The following BRCA1 variants were observed in gnomAD, a reference collection of about 807,000 sequenced individuals.
BRCA1 encodes BRCA1 DNA repair associated, also known as breast cancer type 1 susceptibility protein.
BRCA1 carries 140 observed loss-of-function variants against 173.7 expected under a neutral mutation model. The observed-to-expected ratio is 0.81, with a 90% CI of 0.70 to 0.93. The LOEUF is 0.93. BRCA1 is among the 40% of genes least tolerant of loss of function. The pLI is 0.00. For synonymous variants in BRCA1, 662 were observed against 756.0 expected, an observed-to-expected ratio of 0.88 and a Z score of 2.04; for missense variants, 1,983 against 2,172.5, an observed-to-expected ratio of 0.91 and a Z score of 1.73.
chr17:43,104,149 T>C lies in BRCA1; in HGVS notation c.414A>G (p.Leu138=), dbSNP rs1597896509. 6.2e-7 allele frequency: 1 copy of C among 1,614,024 alleles called. No homozygotes were observed. Among genetic ancestry groups the C allele is most frequent in the Non-Finnish European group, 8.5e-7 (1 of 1,179,948 alleles). Residue 138 remains leucine (L), a synonymous_variant, in exon 6 of 23, where the codon CTA becomes CTG. Transcript: ENST00000357654. The part of the protein sequence containing the change: ...MGYRNRAKRL[L]QSEPENPSLQ... ...AGGAAGGATTTTCGGGTTCACTCTG[T>C]AGAAGTCTTTTGGCACGGTTTCTGT...
At chr17:43,102,190 C>T (rs1461902210) in intron 6 of BRCA1, among the ~76,000 whole-genome samples, 1 of 151,776 alleles carries the variant, frequency 6.6e-6, no homozygotes, top group Non-Finnish European at 1.5e-5. Context: ...CCTGCCTCAG[C>T]CTCCCGAGTA....
rs1555580584 is a variant in BRCA1 at position 43,070,911 on chromosome 17, C to T, written c.4986+17G>A. On this transcript the variant is annotated intron_variant, in intron 15 of 22. Coordinates refer to ENST00000357654, the MANE Select transcript of BRCA1 (RefSeq NM_007294.4). The stretch of plus-strand genomic sequence containing the variant: ...TTAAGTCTTAGTCATTAGGGAGATA[C>T]ATATGGATACACTCACAAATTCTTC... 1.9e-6 allele frequency: 3 copies of T among 1,613,656 alleles called. No individual in the cohort carries two copies. Among genetic ancestry groups the T allele is most frequent in the Non-Finnish European group, 2.5e-6 (3 of 1,179,748 alleles).
Position 43,044,403 on chromosome 17 carries a change from G to T in BRCA1, c.*1275C>A. 1 of 507,044 alleles carries T rather than the reference G, an allele frequency of 2.0e-6. No homozygotes were observed. Among genetic ancestry groups the T allele is most frequent in the Non-Finnish European group, 3.9e-6 (1 of 258,752 alleles). The allele number at this position is 507,044 out of a possible 1,614,324, so 31.4% of individuals were successfully genotyped here. On this transcript the variant is annotated 3_prime_UTR_variant, in exon 23 of 23. Coordinates refer to ENST00000357654, the MANE Select transcript of BRCA1 (RefSeq NM_007294.4). Reference sequence around the variant, plus strand: ...GCCCTTGCACACTGGGGGGGCTAGGGAAGACCTAGTCCTTCCAACAGCTAT... The same window carrying T: ...GCCCTTGCACACTGGGGGGGCTAGGTAAGACCTAGTCCTTCCAACAGCTAT...
chr17:43,125,569 A>T, upstream of BRCA1: 1 of 310,230 alleles, frequency 3.2e-6, no homozygotes, highest in Non-Finnish European at 6.4e-6. Context: ...ATGACGTAAA[A>T]GGAAAGAGAC....
intron 14 of BRCA1, among the ~76,000 whole-genome samples, chr17:43,072,185 C>T (rs1376898901): frequency 2.0e-5 from 3 of 151,582 alleles, no homozygotes; most frequent in Non-Finnish European, 2.9e-5. Flanking sequence ...GTCAAGAGGT[C>T]GAGACCAGTC....
intron 6 of BRCA1, among the ~76,000 whole-genome samples, chr17:43,100,663 T>TG (rs2054399041): frequency 5.2e-5 from 1 of 19,110 alleles, no homozygotes; most frequent in Non-Finnish European, 7.5e-5. Context: ...ATAACATATA[T>TG]ATATATATAT....
At chr17:43,101,994 C>CT (rs1173938178) in intron 6 of BRCA1, among the ~76,000 whole-genome samples, 1 of 152,022 alleles carries the variant, frequency 6.6e-6, no homozygotes, top group African/African-American at 2.4e-5. Context: ...CCTTGACTCT[C>CT]TATGTTAAAG....
At chr17:43,112,400 C>G (rs1158725302) in intron 3 of BRCA1, 1 of 152,050 alleles carries the variant, frequency 6.6e-6, no homozygotes, top group Non-Finnish European at 1.5e-5. Flanking sequence ...ACTTTTAATT[C>G]TAATATAACA....
intron 13 of BRCA1, among the ~76,000 whole-genome samples, chr17:43,075,829 T>C (rs1238180316): frequency 6.6e-6 from 1 of 152,118 alleles, no homozygotes; most frequent in East Asian, 1.9e-4. Flanking sequence ...CTGAAAGATA[T>C]TCTAAATGTT....
intron 12 of BRCA1, among the ~76,000 whole-genome samples, chr17:43,080,745 G>T (rs570303581): frequency 1.3e-5 from 2 of 152,212 alleles, no homozygotes; most frequent in East Asian, 3.9e-4. Context: ...TCGAGAGGCT[G>T]CAGTGAGCTG....
intron 1 of BRCA1, chr17:43,164,577 AT>A (rs1281269974): frequency 6.6e-6 from 1 of 152,088 alleles, no homozygotes; most frequent in Non-Finnish European, 1.5e-5. Flanking sequence ...ATGAAAAGAG[AT>A]TTTTCGTAGC....
At chr17:43,101,588 C>T (rs941145447) in intron 6 of BRCA1, among the ~76,000 whole-genome samples, 1 of 152,042 alleles carries the variant, frequency 6.6e-6, no homozygotes, top group East Asian at 1.9e-4. Flanking sequence ...CTGCAACCTC[C>T]GCGTCCTAGG....
chr17:43,061,067 A>G (rs1446211337), intron 18 of BRCA1, among the ~76,000 whole-genome samples: 2 of 152,146 alleles, frequency 1.3e-5, no homozygotes, highest in Non-Finnish European at 1.5e-5. Context: ...CAGAGTTTGC[A>G]GTGAGCCAAG....
chr17:43,159,669 C>T (rs759787925), intron 1 of BRCA1: 33 of 248,082 alleles, frequency 1.3e-4, no homozygotes, highest in Non-Finnish European at 2.0e-4. Flanking sequence ...GTCATCACCA[C>T]TCCCTAATCT....
In BRCA1 at chr17:43,104,262, CT is replaced by C. The variant is rs273899695; in HGVS notation, c.302-2del. The C allele has an allele frequency of 2.5e-6, 4 of 1,608,590 alleles. No individual in the cohort carries two copies. The highest frequency in any genetic ancestry group is 1.7e-6 in the Non-Finnish European group (2 of 1,175,726). Reference sequence around the variant, plus strand: ...TTTGCAAAATTATAGCTGTTTGCATCTGTAAAATACAAGGGAAAACATTATG... The same window carrying C: ...TTTGCAAAATTATAGCTGTTTGCATCGTAAAATACAAGGGAAAACATTATG... On this transcript the variant is annotated splice_acceptor_variant, in intron 5 of 22. Coordinates refer to ENST00000357654, the MANE Select transcript of BRCA1 (RefSeq NM_007294.4). LOFTEE classifies it high-confidence loss of function.
intron 1 of BRCA1, chr17:43,138,348 G>C (rs2056045111): frequency 2.2e-6 from 1 of 445,394 alleles, no homozygotes; most frequent in Non-Finnish European, 4.1e-6. Flanking sequence ...AAACATTCCA[G>C]AACAAACTCC....
At chr17:43,087,429 G>A (rs368756704) in intron 11 of BRCA1, among the ~76,000 whole-genome samples, 3 of 152,134 alleles carry the variant, frequency 2.0e-5, no homozygotes, top group East Asian at 3.9e-4. Context: ...TTGGGAGGCC[G>A]AGGTGGGTGG....
chr17:43,139,947 A>G (rs2056062783), intron 1 of BRCA1: 1 of 494,804 alleles, frequency 2.0e-6, no homozygotes, highest in Non-Finnish European at 4.2e-6. Context: ...AAGGATTCCT[A>G]AATCCCTTGG....
chr17:43,139,993 T>A (rs2056063444), intron 1 of BRCA1: 1 of 479,498 alleles, frequency 2.1e-6, no homozygotes, highest in African/African-American at 2.0e-5. Flanking sequence ...TTTGTTCTCA[T>A]GAGGTGACTC....
Sources: allele counts gnomAD v4.1 joint callset (sites outside exome capture counted in the v4.1 genomes callset), GRCh38; gene constraint gnomAD v4.1.1; transcripts MANE v1.5; gene names NCBI Gene and HGNC (gene_info 2026-07-23, HGNC 2026-07-21).